The following SHISA6 variants were observed in gnomAD, a reference collection of about 807,000 sequenced individuals.
SHISA6 encodes the protein protein shisa-6.
SHISA6 carries 22 observed loss-of-function variants against 47.9 expected under a neutral mutation model. That is an observed-to-expected ratio of 0.46 (90% CI 0.33 to 0.66). The LOEUF (loss-of-function observed/expected upper bound fraction) is 0.66. SHISA6 is among the 30% of genes least tolerant of loss of function. The pLI, the probability that SHISA6 is intolerant of heterozygous loss-of-function variation, is 0.02. For synonymous variants in SHISA6, 388 were observed against 337.8 expected, an observed-to-expected ratio of 1.15 and a Z score of -1.63; for missense variants, 680 against 764.6, an observed-to-expected ratio of 0.89 and a Z score of 1.30.
chr17:11,445,865 T>C (rs766926763), intron 3 of SHISA6, among the ~76,000 whole-genome samples: 8 of 152,220 alleles, frequency 5.3e-5, no homozygotes, highest in Non-Finnish European at 7.3e-5. Context: ...TCTCCTTCTG[T>C]CGCCCAGGCT....
intron 3 of SHISA6, among the ~76,000 whole-genome samples, chr17:11,431,821 C>T (rs1914785605): frequency 6.6e-6 from 1 of 152,162 alleles, no homozygotes; most frequent in African/African-American, 2.4e-5. Flanking sequence ...AAAACAAAAA[C>T]AGAGTAGCTC....
intron 3 of SHISA6, among the ~76,000 whole-genome samples, chr17:11,385,683 G>A (rs1368003232): frequency 1.3e-5 from 2 of 152,060 alleles, no homozygotes; most frequent in Non-Finnish European, 2.9e-5. Flanking sequence ...TAGGGAGTGA[G>A]TCGTGCTCTT....
chr17:11,298,537 C>A (rs537856531), intron 2 of SHISA6, among the ~76,000 whole-genome samples: 1 of 152,326 alleles, frequency 6.6e-6, no homozygotes, highest in South Asian at 2.1e-4. Flanking sequence ...CTACTGAACT[C>A]AGGCTGGGCC....
chr17:11,395,021 A>AT (rs1913521442), intron 3 of SHISA6, among the ~76,000 whole-genome samples: 1 of 56,542 alleles, frequency 1.8e-5, no homozygotes, highest in Non-Finnish European at 3.0e-5. Flanking sequence ...TTTTTTTTTG[A>AT]GACAGAGTCT....
chr17:11,497,538 C>T (rs1412567567), intron 3 of SHISA6, among the ~76,000 whole-genome samples: 9 of 152,272 alleles, frequency 5.9e-5, no homozygotes, highest in South Asian at 2.1e-4. Flanking sequence ...ACACTTTAGA[C>T]GAATGTTCTT....
chr17:11,515,313 A>AAAGG (rs200856515), intron 3 of SHISA6, among the ~76,000 whole-genome samples: 22,551 of 130,524 alleles, frequency 0.17, 2,009 homozygotes, highest in African/African-American at 0.2. Context: ...GAAGAAAGAA[A>AAAGG]AAGGAAGGAA....
At chr17:11,276,338 A>G (rs969565713) in intron 2 of SHISA6, among the ~76,000 whole-genome samples, 4 of 151,982 alleles carry the variant, frequency 2.6e-5, no homozygotes, top group Non-Finnish European at 5.9e-5. Context: ...AGTGGAAACT[A>G]TTGCATCACC....
chr17:11,388,715 T>C (rs1240554971), intron 3 of SHISA6, among the ~76,000 whole-genome samples: 45 of 145,416 alleles, frequency 3.1e-4, no homozygotes. Context: ...AAAAAAATGA[T>C]TGCATCAGAA....
chr17:11,259,639 G>C (rs987043669), intron 1 of SHISA6, among the ~76,000 whole-genome samples: 1 of 152,204 alleles, frequency 6.6e-6, no homozygotes, highest in South Asian at 2.1e-4. Flanking sequence ...CGGAAATTCA[G>C]ATACACTTTC....
chr17:11,399,531 C>T (rs1249588423), intron 3 of SHISA6, among the ~76,000 whole-genome samples: 1 of 152,190 alleles, frequency 6.6e-6, no homozygotes, highest in African/African-American at 2.4e-5. Flanking sequence ...AAACGATTCT[C>T]CTGCCTCGGC....
At chr17:11,340,595 G>A (rs1413525625) in intron 2 of SHISA6, among the ~76,000 whole-genome samples, 1 of 152,202 alleles carries the variant, frequency 6.6e-6, no homozygotes. Context: ...TTCACCTCTT[G>A]ATGGAGTGGC....
intron 3 of SHISA6, among the ~76,000 whole-genome samples, chr17:11,386,534 AAG>A (rs1913199782): frequency 6.6e-6 from 1 of 152,224 alleles, no homozygotes; most frequent in Non-Finnish European, 1.5e-5. Context: ...GGATGGTGAA[AAG>A]AGAGTTTTGT....
chr17:11,485,732 A>G (rs1246270290), intron 3 of SHISA6, among the ~76,000 whole-genome samples: 1 of 151,672 alleles, frequency 6.6e-6, no homozygotes. Context: ...AGGGGGAGAA[A>G]AATGGAGAGG....
At chr17:11,417,304 G>T (rs1462722367) in intron 3 of SHISA6, among the ~76,000 whole-genome samples, 1 of 152,074 alleles carries the variant, frequency 6.6e-6, no homozygotes, top group Non-Finnish European at 1.5e-5. Flanking sequence ...ACCAAGAAAT[G>T]GTTGATTCCG....
At chr17:11,506,885 A>G (rs574665720) in intron 3 of SHISA6, among the ~76,000 whole-genome samples, 1 of 152,350 alleles carries the variant, frequency 6.6e-6, no homozygotes, top group Non-Finnish European at 1.5e-5. Context: ...GGAGATTGAC[A>G]GGAAGGAACA....
intron 3 of SHISA6, among the ~76,000 whole-genome samples, chr17:11,531,893 G>A (rs529262685): frequency 2.0e-5 from 3 of 152,264 alleles, no homozygotes; most frequent in East Asian, 3.9e-4. Flanking sequence ...AGGTTAATTA[G>A]CTTGATTTAA....
chr17:11,372,948 A>G (rs1487977095), intron 2 of SHISA6, among the ~76,000 whole-genome samples: 1 of 151,988 alleles, frequency 6.6e-6, no homozygotes, highest in Non-Finnish European at 1.5e-5. Flanking sequence ...TTTCATGACC[A>G]CAGTGTACTT....
At chr17:11,300,271 A>C (rs1909880849) in intron 2 of SHISA6, among the ~76,000 whole-genome samples, 1 of 152,184 alleles carries the variant, frequency 6.6e-6, no homozygotes, top group South Asian at 2.1e-4. Flanking sequence ...CAATACCCGA[A>C]GCATGAGTTC....
chr17:11,435,517 C>A (rs1195247997), intron 3 of SHISA6, among the ~76,000 whole-genome samples: 1 of 152,082 alleles, frequency 6.6e-6, no homozygotes, highest in Non-Finnish European at 1.5e-5. Context: ...TGAAACCTGG[C>A]ACCCTGTGCA....
Sources: allele counts gnomAD v4.1 joint callset (sites outside exome capture counted in the v4.1 genomes callset), GRCh38; gene constraint gnomAD v4.1.1; transcripts MANE v1.5; gene names NCBI Gene and HGNC (gene_info 2026-07-23, HGNC 2026-07-21).